The following HIVEP3 variants were observed in gnomAD, a reference collection of about 807,000 sequenced individuals.
HIVEP3 encodes the protein HIVEP zinc finger 3.
Under a neutral mutation model 152.8 loss-of-function variants are expected in HIVEP3, and 49 were observed. The ratio of observed to expected loss-of-function variants is 0.32; its 90% confidence interval spans 0.26 to 0.41. The LOEUF (loss-of-function observed/expected upper bound fraction) is 0.41. HIVEP3 is among the 10% of genes least tolerant of loss of function. The pLI is 1.00. For missense variants in HIVEP3, 2,790 were observed against 3,103.3 expected (o/e 0.90, Z 2.40); for synonymous variants, 1,269 against 1,289.0 (o/e 0.98, Z 0.33).
At chr1:41,835,378 C>T (rs765229139) in intron 1 of HIVEP3, among the ~76,000 whole-genome samples, 2 of 152,176 alleles carry the variant, frequency 1.3e-5, no homozygotes, top group Non-Finnish European at 2.9e-5. Flanking sequence ...GGCCTTTCCT[C>T]CGTAAGGGCA....
At chr1:41,891,136 C>T (rs1293076245) in intron 1 of HIVEP3, among the ~76,000 whole-genome samples, 1 of 152,120 alleles carries the variant, frequency 6.6e-6, no homozygotes, top group Non-Finnish European at 1.5e-5. Context: ...GATCTTTTTC[C>T]AGGAAACTCG....
chr1:41,753,706 T>TAAATTAAA (rs371969654), intron 1 of HIVEP3, among the ~76,000 whole-genome samples: 2 of 149,468 alleles, frequency 1.3e-5, no homozygotes, highest in South Asian at 2.1e-4. Flanking sequence ...AATAAATAAA[T>TAAATTAAA]AAAAATAGAA....
chr1:41,513,775 A>C, intron 7 of HIVEP3, 25 bp from the exon 8 acceptor site: 1 of 1,524,476 alleles, frequency 6.6e-7, no homozygotes, highest in African/African-American at 1.4e-5. Context: ...AGAAGACCCA[A>C]GGTCACAGTT....
At chr1:41,991,948 AC>A (rs1295324941) in intron 1 of HIVEP3, among the ~76,000 whole-genome samples, 1 of 143,372 alleles carries the variant, frequency 7.0e-6, no homozygotes, top group African/African-American at 2.7e-5. Flanking sequence ...AAATTCAACA[AC>A]CCTTCATGCT....
At chr1:41,944,765 G>A (rs763456134) in intron 1 of HIVEP3, among the ~76,000 whole-genome samples, 1 of 152,168 alleles carries the variant, frequency 6.6e-6, no homozygotes, top group Non-Finnish European at 1.5e-5. Flanking sequence ...AAAGCATTAG[G>A]ACCATAGAGG....
At chr1:41,712,374 G>A (rs1034227168) in intron 1 of HIVEP3, among the ~76,000 whole-genome samples, 26 of 152,244 alleles carry the variant, frequency 1.7e-4, no homozygotes, top group Non-Finnish European at 3.4e-4. Context: ...AGCCCTGGAC[G>A]AAGGCCAGGC....
chr1:42,009,979 G>C (rs896253478), intron 1 of HIVEP3, among the ~76,000 whole-genome samples: 7 of 152,168 alleles, frequency 4.6e-5, no homozygotes, highest in African/African-American at 1.7e-4. Flanking sequence ...GCCCAGGCTG[G>C]AGTGCCATGG....
At chr1:41,770,741 T>C (rs4660577) in intron 1 of HIVEP3, among the ~76,000 whole-genome samples, 57,043 of 151,854 alleles carry the variant, frequency 0.38, 11,808 homozygotes, top group Middle Eastern at 0.54. Context: ...AAGAAAAGAC[T>C]AACTGTCACA....
chr1:41,580,082 A>G lies in HIVEP3; in HGVS notation c.4716T>C (p.Pro1572=), dbSNP rs1305824210. The change falls in exon 4 of 9, where the codon CCT becomes CCC. Residue 1572 remains proline (P), a synonymous_variant. Coordinates refer to ENST00000372583, the MANE Select transcript of HIVEP3 (RefSeq NM_024503.5). Reference sequence around the variant, plus strand: ...CTGGTCTGGAGGACGTTTCTGACAGAGGCAGAGAGCTCGGAGGTGCCAAGG... The same window carrying G: ...CTGGTCTGGAGGACGTTTCTGACAGGGGCAGAGAGCTCGGAGGTGCCAAGG... ...LPSLAPPSSL[P]LSETSSRPAK... 21 of 1,614,210 alleles carry G rather than the reference A, an allele frequency of 1.3e-5. No individual in the cohort carries two copies. Among genetic ancestry groups the G allele is most frequent in the Non-Finnish European group, 1.5e-5 (18 of 1,180,042 alleles).
intron 1 of HIVEP3, among the ~76,000 whole-genome samples, chr1:41,728,207 G>A (rs2124181503): frequency 6.6e-6 from 1 of 152,322 alleles, no homozygotes; most frequent in African/African-American, 2.4e-5. Context: ...CCTTGAGCAA[G>A]TGACTTGACC....
At chr1:41,834,108 C>T (rs1484223453) in intron 1 of HIVEP3, among the ~76,000 whole-genome samples, 1 of 152,190 alleles carries the variant, frequency 6.6e-6, no homozygotes, top group Non-Finnish European at 1.5e-5. Flanking sequence ...GAGCCCGGCT[C>T]CCTCTGGGCC....
At chr1:41,660,481 C>T (rs1645696149) in intron 2 of HIVEP3, among the ~76,000 whole-genome samples, 1 of 152,142 alleles carries the variant, frequency 6.6e-6, no homozygotes, top group African/African-American at 2.4e-5. Flanking sequence ...TGTTGCGGTC[C>T]GTGCTTTACC....
chr1:41,777,919 G>A (rs976376711), intron 1 of HIVEP3, among the ~76,000 whole-genome samples: 1 of 152,226 alleles, frequency 6.6e-6, no homozygotes, highest in Non-Finnish European at 1.5e-5. Context: ...TCAGATTACC[G>A]CGTGCTTCAC....
At chr1:41,544,759 T>TCAC (rs1473586328) in intron 5 of HIVEP3, among the ~76,000 whole-genome samples, 3 of 68,954 alleles carry the variant, frequency 4.4e-5, no homozygotes, top group African/African-American at 1.3e-4. Context: ...ACCACCACCA[T>TCAC]CACCACCACT....
At chr1:41,910,047 G>C (rs1180035881) in intron 1 of HIVEP3, among the ~76,000 whole-genome samples, 1 of 151,762 alleles carries the variant, frequency 6.6e-6, no homozygotes, top group Non-Finnish European at 1.5e-5. Flanking sequence ...AAGAAAAATA[G>C]CTCAAATGTA....
At chr1:41,544,831 T>TGCTAC (rs1643656686) in intron 5 of HIVEP3, among the ~76,000 whole-genome samples, 1 of 10,152 alleles carries the variant, frequency 9.9e-5, no homozygotes, top group Non-Finnish European at 2.0e-4. Context: ...ACCACCACCA[T>TGCTAC]CACCACCACC....
chr1:41,923,507 G>C (rs1199042951), upstream of HIVEP3, among the ~76,000 whole-genome samples: 1 of 152,120 alleles, frequency 6.6e-6, no homozygotes, highest in Non-Finnish European at 1.5e-5. Flanking sequence ...GGAAGGGAAA[G>C]GAGCAACATT....
intron 1 of HIVEP3, among the ~76,000 whole-genome samples, chr1:41,776,972 C>T (rs1648743647): frequency 6.6e-6 from 1 of 152,186 alleles, no homozygotes; most frequent in Admixed American, 6.5e-5. Flanking sequence ...AGCAACCTGC[C>T]CAGAGCCACA....
At chr1:41,890,387 G>C (rs981932062) in intron 1 of HIVEP3, among the ~76,000 whole-genome samples, 5 of 152,180 alleles carry the variant, frequency 3.3e-5, no homozygotes, top group African/African-American at 1.2e-4. Context: ...CTGGAATCCA[G>C]GAAGGGCCTG....
Sources: allele counts gnomAD v4.1 joint callset (sites outside exome capture counted in the v4.1 genomes callset), GRCh38; gene constraint gnomAD v4.1.1; transcripts MANE v1.5; gene names NCBI Gene and HGNC (gene_info 2026-07-23, HGNC 2026-07-21).